Variants in ERC1 observed in about 807,000 individuals in gnomAD.
The protein encoded by ERC1 is RAB6 interacting protein 2.
Under a neutral mutation model 132.0 loss-of-function variants are expected in ERC1, and 56 were observed. The ratio of observed to expected loss-of-function variants is 0.42; its 90% CI spans 0.34 to 0.53. ERC1 has a LOEUF of 0.53. Among genes scored for constraint, ERC1 ranks in the 20% least tolerant of loss-of-function variants. The probability of loss-of-function intolerance (pLI) is 0.03; values close to 1 mark genes in which losing one functional copy is unlikely to be tolerated. For missense variants in ERC1, 1,202 were observed against 1,349.9 expected, an observed-to-expected ratio of 0.89 and a Z score of 1.72; for synonymous variants, 478 against 476.1, an observed-to-expected ratio of 1.00 and a Z score of -0.05.
intron 17 of ERC1, among the ~76,000 whole-genome samples, chr12:1,424,855 TAGATAGATCGATAGATA>T (rs2092574183): frequency 2.4e-5 from 3 of 124,580 alleles, no homozygotes; most frequent in African/African-American, 1.1e-4. Context: ...GATAGATAGA[TAGATAGATCGATAGATA>T]GATAGATAGA....
At chr12:1,481,827 A>G (rs1281377262) in intron 18 of ERC1, among the ~76,000 whole-genome samples, 1 of 151,748 alleles carries the variant, frequency 6.6e-6, no homozygotes, top group East Asian at 1.9e-4. Flanking sequence ...TTCCTCCTCC[A>G]GCGCTAAATC....
chr12:1,432,088 A>G (rs1386578265), intron 17 of ERC1, among the ~76,000 whole-genome samples: 1 of 152,120 alleles, frequency 6.6e-6, no homozygotes, highest in East Asian at 1.9e-4. Flanking sequence ...TGTTTTGCCC[A>G]GGTTGGTCTC....
At chr12:1,236,497 A>G (rs748263627) in intron 12 of ERC1, among the ~76,000 whole-genome samples, 11 of 152,290 alleles carry the variant, frequency 7.2e-5, no homozygotes, top group South Asian at 2.1e-4. Flanking sequence ...AGTCATTTCA[A>G]ATGATCCCGT....
rs141051268 is a variant in ERC1, at chr12:1,466,685, C to T, written c.3213+21935C>T. Among the ~76,000 whole-genome samples the T allele has an allele frequency of 5.6e-3, 857 of 152,238 alleles. 6 individuals are homozygous for T. The highest frequency in any genetic ancestry group is 0.019 in the African/African-American group (808 of 41,542). On this transcript the variant is annotated intron_variant, in intron 18 of 18. Transcript: ENST00000360905. ...TATGTCCAGTAATTACTGAATACTC[C>T]CTTAGGGGCCATTCAGGGTCTGCTG... is the stretch of plus-strand genomic sequence containing the variant.
chr12:1,111,827 G>C (rs541626586), intron 5 of ERC1, among the ~76,000 whole-genome samples: 43 of 152,008 alleles, frequency 2.8e-4, no homozygotes, highest in African/African-American at 1.0e-3. Context: ...GGCAGGTCTC[G>C]AACTCCTGAC....
chr12:1,240,511 T>A (rs867173398), intron 13 of ERC1, among the ~76,000 whole-genome samples: 3 of 152,334 alleles, frequency 2.0e-5, no homozygotes, highest in Non-Finnish European at 2.9e-5. Flanking sequence ...TTTTTAACCA[T>A]ATTTGCGTAG....
intron 2 of ERC1, among the ~76,000 whole-genome samples, chr12:1,030,743 T>TTATA (rs1967869108): frequency 6.6e-6 from 1 of 152,038 alleles, no homozygotes; most frequent in South Asian, 2.1e-4. Context: ...AAAACAAAGA[T>TTATA]TATAATACAG....
chr12:1,049,536 G>A (rs1971575285), intron 2 of ERC1, among the ~76,000 whole-genome samples: 1 of 152,122 alleles, frequency 6.6e-6, no homozygotes, highest in African/African-American at 2.4e-5. Context: ...TGAAGTCAAG[G>A]TTGGTTGAGA....
chr12:1,316,215 A>G (rs1186176209), intron 15 of ERC1, among the ~76,000 whole-genome samples: 1 of 152,162 alleles, frequency 6.6e-6, no homozygotes, highest in Middle Eastern at 3.2e-3. Flanking sequence ...GCTAATGGGC[A>G]CTTTTAGGCT....
intron 16 of ERC1, among the ~76,000 whole-genome samples, chr12:1,399,123 T>A (rs2090804674): frequency 6.6e-6 from 1 of 151,584 alleles, no homozygotes; most frequent in Admixed American, 6.6e-5. Flanking sequence ...CAATTTTTTT[T>A]TATTTTTTTG....
At chr12:1,134,410 G>T (rs1176309379) in intron 7 of ERC1, among the ~76,000 whole-genome samples, 1 of 150,874 alleles carries the variant, frequency 6.6e-6, no homozygotes, top group Non-Finnish European at 1.5e-5. Flanking sequence ...ACAGTGGTGT[G>T]ATCATAGCTC....
At chr12:1,352,537 A>G (rs1373051243) in intron 15 of ERC1, among the ~76,000 whole-genome samples, 2 of 152,226 alleles carry the variant, frequency 1.3e-5, no homozygotes, top group Non-Finnish European at 2.9e-5. Flanking sequence ...GAATTTTTAT[A>G]TTATAATAGC....
rs145439013 is a variant in ERC1 at position 1,246,473 on chromosome 12, G to A, written c.2487+9569G>A. On this transcript the variant is annotated intron_variant, in intron 13 of 18. Transcript: ENST00000360905. ...CTCATAGAAGAATTTCAGTTAATAA[G>A]TATAGATGGAAATAGACCAAAAGAA... is the stretch of plus-strand genomic sequence containing the variant. 6.4e-3 allele frequency among the ~76,000 whole-genome samples: 978 copies of A among 152,300 alleles called. 10 individuals carry two copies. The highest frequency in any genetic ancestry group is 0.022 in the African/African-American group (935 of 41,560).
At chr12:1,142,926 T>G (rs1949984453) in intron 8 of ERC1, among the ~76,000 whole-genome samples, 1 of 152,170 alleles carries the variant, frequency 6.6e-6, no homozygotes, top group African/African-American at 2.4e-5. Flanking sequence ...TGAGATGGAG[T>G]CTCACTTTGT....
At chr12:1,428,313 A>G (rs1482329617) in intron 17 of ERC1, among the ~76,000 whole-genome samples, 1 of 152,224 alleles carries the variant, frequency 6.6e-6, no homozygotes, top group East Asian at 1.9e-4. Flanking sequence ...TAAAACGTGG[A>G]TGAGTTTTAC....
intron 1 of ERC1, among the ~76,000 whole-genome samples, chr12:1,001,853 C>CTTTTTT (rs869097939): frequency 3.7e-5 from 4 of 109,150 alleles, no homozygotes; most frequent in Admixed American, 9.6e-5. Context: ...CTTGTAAAGT[C>CTTTTTT]TTTTTTTTTT....
intron 8 of ERC1, among the ~76,000 whole-genome samples, chr12:1,174,398 C>T (rs961431830): frequency 4.6e-5 from 7 of 152,116 alleles, no homozygotes; most frequent in Non-Finnish European, 8.8e-5. Context: ...CTTTTCACTC[C>T]GACTCAACAG....
At chr12:1,379,335 C>G (rs532310873) in intron 16 of ERC1, among the ~76,000 whole-genome samples, 1 of 152,300 alleles carries the variant, frequency 6.6e-6, no homozygotes, top group Admixed American at 6.5e-5. Context: ...TACTGCATAT[C>G]AAGGATCCCA....
chr12:1,361,429 AAATT>A (rs960693492), intron 15 of ERC1, among the ~76,000 whole-genome samples: 11 of 152,304 alleles, frequency 7.2e-5, no homozygotes, highest in Admixed American at 1.3e-4. Flanking sequence ...AAAAAAATAA[AAATT>A]AAATTAAAAA....
Sources: allele counts gnomAD v4.1 joint callset (sites outside exome capture counted in the v4.1 genomes callset), GRCh38; gene constraint gnomAD v4.1.1; transcripts MANE v1.5; gene names NCBI Gene and HGNC (gene_info 2026-07-23, HGNC 2026-07-21).